Variants in HRH3 observed in about 807,000 individuals in gnomAD.
HRH3 encodes histamine H3 receptor.
A neutral mutation model predicts 21.6 loss-of-function variants in HRH3; 13 were observed. The observed-to-expected ratio is 0.60, with a 90% CI of 0.39 to 0.96. HRH3 has a LOEUF of 0.96. Ranked by LOEUF, HRH3 falls within the 40% of genes least tolerant of loss-of-function variation. The probability of loss-of-function intolerance (pLI) is 0.00; values close to 1 mark genes in which losing one functional copy is unlikely to be tolerated. For missense variants in HRH3, 461 were observed against 622.7 expected (o/e 0.74, Z 2.76); for synonymous variants, 276 against 290.3 (o/e 0.95, Z 0.50).
In HRH3 at chr20:62,215,998, T is replaced by C. The variant is rs1482408990; in HGVS notation, c.*8A>G. 7.7e-6 allele frequency: 12 copies of C among 1,553,904 alleles called. No individual in the cohort carries two copies. Among genetic ancestry groups the C allele is most frequent in the Non-Finnish European group, 1.0e-5 (12 of 1,147,912 alleles). On this transcript the variant is annotated 3_prime_UTR_variant, in exon 3 of 3. Coordinates refer to ENST00000340177, the MANE Select transcript of HRH3 (RefSeq NM_007232.3). ...GAGGCGTGGCTGAGGGAGGCTCTGG[T>C]GGGCCACTCACTTCCAGCAGTGCTC...
intron 2 of HRH3, among the ~76,000 whole-genome samples, chr20:62,217,306 A>C (rs1978615638): frequency 6.6e-6 from 1 of 152,176 alleles, no homozygotes; most frequent in Admixed American, 6.5e-5. Flanking sequence ...TGTTTCTGAC[A>C]TGATGCATCC....
At position 62,218,597 on chromosome 20, in the gene HRH3, C is replaced by T. The variant is rs202004300; in HGVS notation, c.311G>A (p.Arg104Gln). 4.7e-5 allele frequency: 76 copies of T among 1,612,294 alleles called. No homozygotes were observed. The highest frequency in any genetic ancestry group is 1.3e-5 in the African/African-American group (1 of 74,924). ...TACCAGCCACAGCTTGCAGAGGCCC[C>T]GGCCGAAGGTCCAGCGGCCTGTCAG... ...YVLTGRWTFG[R>Q]GLCKLWLVVD... Residue 104 changes from arginine to glutamine, a missense_variant, in exon 2 of 3, where the codon CGG (arginine) becomes CAG (glutamine). Arg to Gln is a conservative substitution (Grantham distance 43). This residue lies in a region of HRH3 where 102 missense variants were observed against 155.6 expected (regional missense o/e 0.66). Coordinates refer to ENST00000340177, the MANE Select transcript of HRH3 (RefSeq NM_007232.3). This position sits in a 1 kb window ranked among gnomAD's most constrained non-coding sequence, Gnocchi z 5.6.
In HRH3 at chr20:62,215,860, G is replaced by A. The variant is rs1050942485; in HGVS notation, c.*146C>T. ...AACCCAGGAAGGCGCCTCCATGGCAGGGTGGCTGCCGTGGCATTAAGAGAG... is the reference window on the plus strand; with the variant it reads ...AACCCAGGAAGGCGCCTCCATGGCAAGGTGGCTGCCGTGGCATTAAGAGAG... On this transcript the variant is annotated 3_prime_UTR_variant, in exon 3 of 3. Coordinates refer to ENST00000340177, the MANE Select transcript of HRH3 (RefSeq NM_007232.3). 6.2e-6 allele frequency: 5 copies of A among 803,640 alleles called. No individual in the cohort carries two copies. Among genetic ancestry groups the A allele is most frequent in the Non-Finnish European group, 9.5e-6 (5 of 524,658 alleles). 49.8% of individuals were successfully genotyped at this position (803,640 alleles called of 1,614,324 possible).
Position 62,218,379 on chromosome 20 carries a change from C to A in HRH3, c.417+112G>T. 1 of 1,258,634 alleles carries A rather than the reference C, an allele frequency of 7.9e-7. No individual in the cohort carries two copies. Among genetic ancestry groups the A allele is most frequent in the Non-Finnish European group, 1.1e-6 (1 of 918,518 alleles). 78.0% of individuals were successfully genotyped at this position (1,258,634 alleles called of 1,614,324 possible). A position where few individuals can be genotyped will look rare whatever the true frequency, so the allele number is the denominator to read the frequency against. The stretch of plus-strand genomic sequence containing the variant: ...GTGTCAGCAGCAAAGCCAGTGGGAC[C>A]AAGCCCACTTCTGCCCACAACTCAG... On this transcript the variant is annotated intron_variant, in intron 2 of 2. Coordinates refer to ENST00000340177, the MANE Select transcript of HRH3 (RefSeq NM_007232.3). This position sits in a 1 kb window ranked among gnomAD's most constrained non-coding sequence, Gnocchi z 5.6.
At position 62,219,755 on chromosome 20, in the gene HRH3, G is replaced by A; in HGVS notation, c.216C>T (p.Phe72=). 1 of 1,605,294 alleles carries A rather than the reference G, an allele frequency of 6.2e-7. No homozygotes were observed. The part of the protein sequence containing the change: ...DSSLRTQNNF[F]LLNLAISDFL... ...AGTCGGAGATGGCGAGGTTGAGCAG[G>A]AAGAAGTTGTTCTGGGTGCGGAGGC... The change falls in exon 1 of 3, where the codon TTC becomes TTT. Residue 72 remains phenylalanine, a synonymous_variant. Coordinates refer to ENST00000340177, the MANE Select transcript of HRH3 (RefSeq NM_007232.3). This position sits in a 1 kb window ranked among gnomAD's most constrained non-coding sequence, Gnocchi z 8.7.
At position 62,216,549 on chromosome 20, in the gene HRH3, C is replaced by T; in HGVS notation, c.795G>A (p.Gly265=). ...PPGCWGCWQK[G]HGEAMPLHRY... ...TGTGCAGCGGCATGGCCTCCCCGTG[C>T]CCCTTCTGCCAGCAGCCCCAGCAGC... The change falls in exon 3 of 3, where the codon GGG becomes GGA. Residue 265 remains glycine, a synonymous_variant. Transcript: ENST00000340177. 1 of 1,603,536 alleles carries T rather than the reference C, an allele frequency of 6.2e-7. No homozygotes were observed. The highest frequency in any genetic ancestry group is 8.5e-7 in the Non-Finnish European group (1 of 1,175,638).
chr20:62,216,696 G>A lies in HRH3; in HGVS notation c.648C>T (p.Phe216=), dbSNP rs202006759. The change falls in exon 3 of 3, where the codon TTC becomes TTT. Residue 216 remains phenylalanine (F), a synonymous_variant. Transcript: ENST00000340177. The part of the protein sequence containing the change: ...EFFTPFLSVT[F]FNLSIYLNIQ... ...TGTTCAGGTAGATGCTGAGGTTAAA[G>A]AAGGTGACGCTGAGGAAGGGCGTAA... 5 of 1,613,138 alleles carry A rather than the reference G, an allele frequency of 3.1e-6. No individual in the cohort carries two copies. The highest frequency in any genetic ancestry group is 4.2e-6 in the Non-Finnish European group (5 of 1,180,010).
rs751987866 is a variant in HRH3, at chr20:62,216,892, C to A, written c.452G>T (p.Arg151Leu). 2 of 1,608,660 alleles carry A rather than the reference C, an allele frequency of 1.2e-6. No individual in the cohort carries two copies. Among genetic ancestry groups the A allele is most frequent in the East Asian group, 4.5e-5 (2 of 44,794 alleles). ...CACCAGCAGCATCTTCCGCACTGCC[C>A]GCCGCGTGTCACCCTGCTGGGCCCG... is the stretch of plus-strand genomic sequence containing the variant. ...SYRAQQGDTRRAVRKMLLVWV... is the reference protein window; with the variant it reads ...SYRAQQGDTRLAVRKMLLVWV... The change falls in exon 3 of 3, where the codon CGG becomes CTG. Residue 151 changes from arginine (R) to leucine (L), a missense_variant. Arg to Leu is a moderately radical substitution (Grantham distance 102). Around this residue, in one of 6 missense-constraint regions of HRH3, gnomAD observed 74 missense variants for 86.6 expected, o/e 0.85. Transcript: ENST00000340177.
In HRH3 at chr20:62,215,568, T is replaced by C; in HGVS notation, c.*438A>G. 2.3e-6 allele frequency: 1 copy of C among 427,762 alleles called. No individual in the cohort carries two copies. The allele number at this position is 427,762 out of a possible 1,614,324, so 26.5% of individuals were successfully genotyped here. ...CAGCAAAGGCAGTGTCCTGGGCTTGTCCGGGGAGAGGGACGGTGTGCAGGT... is the reference window on the plus strand; with the variant it reads ...CAGCAAAGGCAGTGTCCTGGGCTTGCCCGGGGAGAGGGACGGTGTGCAGGT... On this transcript the variant is annotated 3_prime_UTR_variant, in exon 3 of 3. Coordinates refer to ENST00000340177, the MANE Select transcript of HRH3 (RefSeq NM_007232.3).
chr20:62,216,081 CCGG>C lies in HRH3; in HGVS notation c.1260_1262del (p.Arg421del). On this transcript the variant is annotated inframe_deletion, in exon 3 of 3. Coordinates refer to ENST00000340177, the MANE Select transcript of HRH3 (RefSeq NM_007232.3). ...GGGGGCAGAGCAGCTTGGTGAAGGCCCGGCGGAAGCTGTGGTGGCACAGAGGGT... is the reference window on the plus strand; with the variant it reads ...GGGGGCAGAGCAGCTTGGTGAAGGCCCGGAAGCTGTGGTGGCACAGAGGGT... The C allele has an allele frequency of 2.5e-6, 4 of 1,609,928 alleles. No individual in the cohort carries two copies. The highest frequency in any genetic ancestry group is 3.4e-6 in the Non-Finnish European group (4 of 1,178,652).
At position 62,219,239 on chromosome 20, in the gene HRH3, C is replaced by G. The variant is rs568782359; in HGVS notation, c.250+482G>C. On this transcript the variant is annotated intron_variant, in intron 1 of 2. Transcript: ENST00000340177. The surrounding 1 kb of genome is among the most constrained non-coding windows in gnomAD (Gnocchi z 8.7). ...AGCCCCCTCCGCGTGCCCCGCCCCC[C>G]AGCCGGCAGCAGAGCCTGGACACGT... 6.6e-6 allele frequency among the ~76,000 whole-genome samples: 1 copy of G among 151,376 alleles called. No individual in the cohort carries two copies. Among genetic ancestry groups the G allele is most frequent in the African/African-American group, 2.4e-5 (1 of 41,284 alleles).
rs1369898691 is a variant in HRH3 at position 62,219,932 on chromosome 20, C to T, written c.39G>A (p.Ser13=). The T allele has an allele frequency of 8.2e-6, 10 of 1,225,920 alleles. No individual in the cohort carries two copies. Among genetic ancestry groups the T allele is most frequent in the Non-Finnish European group, 9.1e-6 (9 of 988,056 alleles). The allele number at this position is 1,225,920 out of a possible 1,614,324, so 75.9% of individuals were successfully genotyped here. ...CCGCCGCCTCGCCCGCCAGCGCCCC[C>T]GAAGCGTTCAGCGGCCCGTCGGGCG... ...RAPPDGPLNA[S]GALAGEAAAA... Residue 13 remains serine (S), a synonymous_variant, in exon 1 of 3, where the codon TCG becomes TCA. Coordinates refer to ENST00000340177, the MANE Select transcript of HRH3 (RefSeq NM_007232.3). The surrounding 1 kb of genome is among the most constrained non-coding windows in gnomAD (Gnocchi z 8.7).
chr20:62,218,669 A>G lies in HRH3; in HGVS notation c.251-12T>C, dbSNP rs200469744. 51 of 1,610,350 alleles carry G rather than the reference A, an allele frequency of 3.2e-5. No homozygotes were observed. Among genetic ancestry groups the G allele is most frequent in the Non-Finnish European group, 4.1e-5 (48 of 1,179,474 alleles). ...GATGCAGAAGGCGCCTGTGGGGAGTAGGGCCACAGTGGGACCATGCAGCCA... is the reference window on the plus strand; with the variant it reads ...GATGCAGAAGGCGCCTGTGGGGAGTGGGGCCACAGTGGGACCATGCAGCCA... On this transcript the variant is annotated splice_polypyrimidine_tract_variant and intron_variant, in intron 1 of 2. Coordinates refer to ENST00000340177, the MANE Select transcript of HRH3 (RefSeq NM_007232.3). This position sits in a 1 kb window ranked among gnomAD's most constrained non-coding sequence, Gnocchi z 5.6.
rs1978678701 is a variant in HRH3 at position 62,218,625 on chromosome 20, C to T, written c.283G>A (p.Val95Met). ...AFCIPLYVPY[V>M]LTGRWTFGRG... is the part of the protein sequence containing the mutation. ...CCGAAGGTCCAGCGGCCTGTCAGCA[C>T]GTAGGGTACATACAGTGGGATGCAG... The change falls in exon 2 of 3, where the codon GTG becomes ATG. Residue 95 changes from valine (V) to methionine (M), a missense_variant. Coordinates refer to ENST00000340177, the MANE Select transcript of HRH3 (RefSeq NM_007232.3). The surrounding 1 kb of genome is among the most constrained non-coding windows in gnomAD (Gnocchi z 5.6). 1 of 1,612,258 alleles carries T rather than the reference C, an allele frequency of 6.2e-7. No individual in the cohort carries two copies. Among genetic ancestry groups the T allele is most frequent in the Non-Finnish European group, 8.5e-7 (1 of 1,179,900 alleles).
chr20:62,215,925 C>T lies in HRH3; in HGVS notation c.*81G>A. Reference sequence around the variant, plus strand: ...CGGGGCTCACCCCTGGGGGAACGAGCCGGGTAGGGGGCAGCAGGGCCAGAT... The same window carrying T: ...CGGGGCTCACCCCTGGGGGAACGAGTCGGGTAGGGGGCAGCAGGGCCAGAT... On this transcript the variant is annotated 3_prime_UTR_variant, in exon 3 of 3. Coordinates refer to ENST00000340177, the MANE Select transcript of HRH3 (RefSeq NM_007232.3). 7.4e-7 allele frequency: 1 copy of T among 1,351,916 alleles called. No homozygotes were observed. The highest frequency in any genetic ancestry group is 9.9e-7 in the Non-Finnish European group (1 of 1,010,054). The allele number at this position is 1,351,916 out of a possible 1,614,324, so 83.7% of individuals were successfully genotyped here.
chr20:62,217,077 C>T (rs950045320), intron 2 of HRH3, 151 bp from the exon 3 acceptor site: 3 of 804,162 alleles, frequency 3.7e-6, no homozygotes, highest in Non-Finnish European at 5.7e-6. Context: ...CTTTCCCCTC[C>T]CTTCCTCTAA....
chr20:62,216,588 T>G lies in HRH3; in HGVS notation c.756A>C (p.Pro252=). The change falls in exon 3 of 3, where the codon CCA becomes CCC. Residue 252 remains proline (P), a synonymous_variant. Coordinates refer to ENST00000340177, the MANE Select transcript of HRH3 (RefSeq NM_007232.3). ...PEPPPEAQPS[P]PPPPGCWGCW... Reference sequence around the variant, plus strand: ...AGCCCCAGCAGCCAGGCGGTGGGGGTGGTGAGGGCTGGGCCTCGGGAGGGG... The same window carrying G: ...AGCCCCAGCAGCCAGGCGGTGGGGGGGGTGAGGGCTGGGCCTCGGGAGGGG... 6.2e-7 allele frequency: 1 copy of G among 1,604,796 alleles called. No individual in the cohort carries two copies. Among genetic ancestry groups the G allele is most frequent in the Non-Finnish European group, 8.5e-7 (1 of 1,176,040 alleles).
intron 2 of HRH3, 44 bp from the exon 3 acceptor site, chr20:62,216,970 T>A (rs778598533): frequency 1.3e-6 from 2 of 1,517,722 alleles, no homozygotes; most frequent in African/African-American, 2.7e-5. Flanking sequence ...GAAGGAATAT[T>A]GGGCTGGGTG....
In HRH3 at chr20:62,216,937, G is replaced by A; in HGVS notation, c.418-11C>T. 1 of 1,588,708 alleles carries A rather than the reference G, an allele frequency of 6.3e-7. No homozygotes were observed. The highest frequency in any genetic ancestry group is 8.6e-7 in the Non-Finnish European group (1 of 1,165,742). On this transcript the variant is annotated splice_polypyrimidine_tract_variant and intron_variant, in intron 2 of 2. Transcript: ENST00000340177. ...GGCCCGGTATGAGACCTGCAGAAGG[G>A]CAGGCTGGTCAGGGGCGGGGCGGAA...
Sources: gnomAD v4.1 joint callset for allele counts (sites outside exome capture counted in the v4.1 genomes callset) on GRCh38, gnomAD v4.1.1 for gene constraint, gnomAD v4.1.1 regional missense constraint, Gnocchi (gnomAD v3.1) non-coding constraint, MANE v1.5 for transcripts, NCBI Gene and HGNC (gene_info 2026-07-23, HGNC 2026-07-21) for gene names.